ANKRD11: variants seen among roughly 807,000 people sequenced by gnomAD.
ANKRD11 encodes the protein ankyrin repeat domain-containing protein 11.
Under a neutral mutation model 195.7 loss-of-function variants are expected in ANKRD11, and 17 were observed. The observed-to-expected ratio is 0.09, with a 90% CI of 0.06 to 0.13. ANKRD11 has a LOEUF of 0.13. Ranked by LOEUF, ANKRD11 falls within the 10% of genes least tolerant of loss-of-function variation. The pLI is 1.00. For missense variants in ANKRD11, 3,735 were observed against 3,566.1 expected, an observed-to-expected ratio of 1.05 and a Z score of -1.21; for synonymous variants, 1,953 against 1,528.1, an observed-to-expected ratio of 1.28 and a Z score of -6.49.
At chr16:89,422,448 A>G (rs1279180206) in intron 1 of ANKRD11, among the ~76,000 whole-genome samples, 1 of 152,236 alleles carries the variant, frequency 6.6e-6, no homozygotes, top group South Asian at 2.1e-4. Context: ...CCCTGGTCTC[A>G]TCGGTAAACA....
At chr16:89,290,228 G>T (rs1030251623) in intron 6 of ANKRD11, among the ~76,000 whole-genome samples, 5 of 124,318 alleles carry the variant, frequency 4.0e-5, no homozygotes, top group East Asian at 4.2e-4. Context: ...TCCAATGGGG[G>T]AGGCTCAGGG....
chr16:89,428,940 TG>T (rs2042848286), intron 1 of ANKRD11, among the ~76,000 whole-genome samples: 1 of 152,126 alleles, frequency 6.6e-6, no homozygotes, highest in Non-Finnish European at 1.5e-5. Context: ...TCCCTGAATG[TG>T]CACTGTTCTT....
At chr16:89,328,270 T>A (rs1196205703) in intron 2 of ANKRD11, among the ~76,000 whole-genome samples, 2 of 152,212 alleles carry the variant, frequency 1.3e-5, no homozygotes, top group Non-Finnish European at 2.9e-5. Context: ...GTGTTGCTGC[T>A]CTGGAGAACA....
chr16:89,405,803 C>A (rs1264223956), intron 2 of ANKRD11, among the ~76,000 whole-genome samples: 1 of 152,134 alleles, frequency 6.6e-6, no homozygotes. Context: ...TCCCCCAGCG[C>A]TCCTCACAAA....
intron 2 of ANKRD11, among the ~76,000 whole-genome samples, chr16:89,336,474 C>T (rs373445385): frequency 3.9e-5 from 6 of 152,222 alleles, no homozygotes; most frequent in South Asian, 2.1e-4. Context: ...AGGGGCCAGA[C>T]GGAGTCCAGG....
intron 2 of ANKRD11, chr16:89,323,333 G>A: frequency 7.8e-7 from 1 of 1,288,976 alleles, no homozygotes; most frequent in Non-Finnish European, 1.0e-6. Context: ...GGCAATCCCA[G>A]GTATGGAAGA....
At chr16:89,428,548 T>G (rs1392499096) in intron 1 of ANKRD11, among the ~76,000 whole-genome samples, 1 of 151,316 alleles carries the variant, frequency 6.6e-6, no homozygotes, top group East Asian at 2.0e-4. Flanking sequence ...GAATGATGAA[T>G]GAATGAATAA....
intron 4 of ANKRD11, chr16:89,300,595 T>G: frequency 2.3e-6 from 1 of 429,778 alleles, no homozygotes; most frequent in Non-Finnish European, 4.1e-6. Context: ...CATTCAGAGT[T>G]CCAAGAAGTC....
chr16:89,329,552 G>T (rs1256414579), intron 2 of ANKRD11, among the ~76,000 whole-genome samples: 1 of 152,110 alleles, frequency 6.6e-6, no homozygotes, highest in Non-Finnish European at 1.5e-5. Flanking sequence ...TATGTCAATT[G>T]TAATTCAATA....
chr16:89,283,478 TCTC>T lies in ANKRD11; in HGVS notation c.3061_3063del (p.Glu1021del). On this transcript the variant is annotated inframe_deletion, in exon 9 of 13. Transcript: ENST00000301030. This position sits in a 1 kb window ranked among gnomAD's most constrained non-coding sequence, Gnocchi z 4.3. ...TCTTTGTATCTTTCTGGTTTTGTCT[TCTC>T]CTTCCTTTCCTTATCGGGGCCATCC... 2 of 1,614,188 alleles carry T rather than the reference TCTC, an allele frequency of 1.2e-6. No individual in the cohort carries two copies. Among genetic ancestry groups the T allele is most frequent in the Admixed American group, 1.7e-5 (1 of 60,036 alleles).
chr16:89,411,502 C>A (rs1597325662), intron 2 of ANKRD11, among the ~76,000 whole-genome samples: 1 of 152,202 alleles, frequency 6.6e-6, no homozygotes, highest in African/African-American at 2.4e-5. Context: ...CAACCTCTGC[C>A]TCCCGAGCTC....
At chr16:89,465,403 G>A (rs1249758610) in intron 1 of ANKRD11, among the ~76,000 whole-genome samples, 1 of 152,146 alleles carries the variant, frequency 6.6e-6, no homozygotes, top group African/African-American at 2.4e-5. Context: ...ACTGGCGTTG[G>A]ACTTCTCTCA....
chr16:89,275,594 C>G (rs1455485903), intron 9 of ANKRD11, among the ~76,000 whole-genome samples: 3 of 152,080 alleles, frequency 2.0e-5, no homozygotes, highest in African/African-American at 7.2e-5. Flanking sequence ...CCCATGCACC[C>G]CAAATCAGCC....
chr16:89,330,167 A>C (rs968668806), intron 2 of ANKRD11, among the ~76,000 whole-genome samples: 1 of 152,178 alleles, frequency 6.6e-6, no homozygotes, highest in Non-Finnish European at 1.5e-5. Flanking sequence ...TACAAAAAGC[A>C]ATCTCTACAA....
intron 9 of ANKRD11, chr16:89,278,365 G>C (rs1597426519): frequency 2.7e-6 from 1 of 375,690 alleles, no homozygotes; most frequent in East Asian, 7.3e-5. Flanking sequence ...AGAGTGCACA[G>C]GGCAGGCAGC....
intron 2 of ANKRD11, among the ~76,000 whole-genome samples, chr16:89,342,341 A>T (rs1484808242): frequency 1.3e-5 from 2 of 152,240 alleles, no homozygotes; most frequent in Admixed American, 1.3e-4. Context: ...GATGCAGCCC[A>T]TTTCACCTGA....
chr16:89,291,815 G>C lies in ANKRD11; in HGVS notation c.227-632C>G, dbSNP rs935645278. 1.6e-5 allele frequency: 20 copies of C among 1,272,714 alleles called. No individual in the cohort carries two copies. Among genetic ancestry groups the C allele is most frequent in the Non-Finnish European group, 1.8e-5 (18 of 973,776 alleles). 78.8% of individuals were successfully genotyped at this position (1,272,714 alleles called of 1,614,324 possible). On this transcript the variant is annotated intron_variant, in intron 4 of 12. Coordinates refer to ENST00000301030, the MANE Select transcript of ANKRD11 (RefSeq NM_013275.6). This position sits in a 1 kb window ranked among gnomAD's most constrained non-coding sequence, Gnocchi z 5.3. ...ACACAGAGCACTAACAAGACACGGT[G>C]TGAGAGCTCGGCTGTTTCCACCTCA...
chr16:89,435,055 T>C (rs1217019616), intron 1 of ANKRD11, among the ~76,000 whole-genome samples: 4 of 152,136 alleles, frequency 2.6e-5, no homozygotes, highest in Admixed American at 6.5e-5. Context: ...CTGGGTCGGG[T>C]GGGGACTTGG....
chr16:89,291,940 A>AGG lies in ANKRD11; in HGVS notation c.227-759_227-758dup. On this transcript the variant is annotated intron_variant, in intron 4 of 12. Transcript: ENST00000301030. The surrounding 1 kb of genome is among the most constrained non-coding windows in gnomAD (Gnocchi z 5.3). Reference sequence around the variant, plus strand: ...ACGTGCTGTGTCTTTTAAAAGAGGCAGGAGGCAGGGGCGGGGAAGAGAAGA... The same window carrying AGG: ...ACGTGCTGTGTCTTTTAAAAGAGGCAGGGGAGGCAGGGGCGGGGAAGAGAAGA... 2.3e-6 allele frequency: 1 copy of AGG among 430,588 alleles called. No individual in the cohort carries two copies. The highest frequency in any genetic ancestry group is 2.6e-5 in the Admixed American group (1 of 37,964). 26.7% of individuals were successfully genotyped at this position (430,588 alleles called of 1,614,324 possible). A position where few individuals can be genotyped will look rare whatever the true frequency, so the allele number is the denominator to read the frequency against.
Sources: allele counts gnomAD v4.1 joint callset (sites outside exome capture counted in the v4.1 genomes callset), GRCh38; gene constraint gnomAD v4.1.1; non-coding constraint Gnocchi (gnomAD v3.1); transcripts MANE v1.5; gene names NCBI Gene and HGNC (gene_info 2026-07-23, HGNC 2026-07-21).